Variants in TBC1D1 observed in about 807,000 individuals in gnomAD.
TBC1D1 encodes TBC1 domain family member 1.
A neutral mutation model predicts 125.6 loss-of-function variants in TBC1D1; 89 were observed. The observed-to-expected ratio is 0.71, with a 90% CI of 0.60 to 0.85. The LOEUF (loss-of-function observed/expected upper bound fraction) is 0.85, where lower values mean the gene tolerates loss of function less well. Ranked by LOEUF, TBC1D1 falls within the 40% of genes least tolerant of loss-of-function variation. The probability of loss-of-function intolerance (pLI) is 0.00; values close to 1 mark genes in which losing one functional copy is unlikely to be tolerated. For missense variants in TBC1D1, 1,377 were observed against 1,469.2 expected (o/e 0.94, Z 1.03); for synonymous variants, 565 against 564.1 (o/e 1.00, Z -0.02).
chr4:38,056,669 G>A (rs180730172), intron 12 of TBC1D1, among the ~76,000 whole-genome samples: 1 of 152,094 alleles, frequency 6.6e-6, no homozygotes, highest in Non-Finnish European at 1.5e-5. Context: ...TTAGCTGAGC[G>A]TGGTGTTGTG....
chr4:38,120,317 G>A (rs1763647456), intron 17 of TBC1D1, among the ~76,000 whole-genome samples: 1 of 152,176 alleles, frequency 6.6e-6, no homozygotes, highest in Admixed American at 6.5e-5. Context: ...ATGTCACTTT[G>A]CAAGAACTGC....
chr4:38,115,980 A>G, intron 16 of TBC1D1, 26 bp downstream of exon 18: 6 of 1,605,912 alleles, frequency 3.7e-6, no homozygotes, highest in Non-Finnish European at 5.1e-6. Context: ...TATGTCTTTA[A>G]TACAACAAAA....
chr4:38,014,266 T>G lies in TBC1D1; in HGVS notation c.418-243T>G, dbSNP rs1212819140. ...GCATGTAAATCCTCCAGCGCAGCCC[T>G]TGGCAGGTAAGAGGTGCTTCATAAG... On this transcript the variant is annotated intron_variant, in intron 2 of 19. Coordinates refer to ENST00000261439, the MANE Select transcript of TBC1D1 (RefSeq NM_015173.4). The surrounding 1 kb of genome is among the most constrained non-coding windows in gnomAD (Gnocchi z 5.1). 6.6e-6 allele frequency among the ~76,000 whole-genome samples: 1 copy of G among 152,192 alleles called. No individual in the cohort carries two copies. Among genetic ancestry groups the G allele is most frequent in the Non-Finnish European group, 1.5e-5 (1 of 68,034 alleles).
At chr4:38,018,933 G>A (rs1743409060) in intron 4 of TBC1D1, among the ~76,000 whole-genome samples, 1 of 151,886 alleles carries the variant, frequency 6.6e-6, no homozygotes, top group Non-Finnish European at 1.5e-5. Context: ...CTTTTTATTA[G>A]ATCTATTTCT....
At chr4:38,119,029 T>C (rs1242184947) in intron 17 of TBC1D1, among the ~76,000 whole-genome samples, 1 of 152,168 alleles carries the variant, frequency 6.6e-6, no homozygotes, top group African/African-American at 2.4e-5. Context: ...AAGTGATATT[T>C]TTGACAATTC....
chr4:38,079,648 AC>A (rs1178810488), intron 12 of TBC1D1, among the ~76,000 whole-genome samples: 5 of 151,846 alleles, frequency 3.3e-5, no homozygotes, highest in African/African-American at 1.2e-4. Flanking sequence ...AATCACTTGA[AC>A]CCTGGAAGGC....
rs1277260098 is a variant in TBC1D1 at position 38,137,865 on chromosome 4, T to A, written c.*530T>A. 1 of 152,846 alleles carries A rather than the reference T, an allele frequency of 6.5e-6. No individual in the cohort carries two copies. Among genetic ancestry groups the A allele is most frequent in the East Asian group, 1.9e-4 (1 of 5,188 alleles). 9.5% of individuals were successfully genotyped at this position (152,846 alleles called of 1,614,324 possible). Reference sequence around the variant, plus strand: ...AAGATCAGTGATCTTGGGTCATTGATCCCTGGCTCAGAGGATAGCGGTTTC... The same window carrying A: ...AAGATCAGTGATCTTGGGTCATTGAACCCTGGCTCAGAGGATAGCGGTTTC... On this transcript the variant is annotated 3_prime_UTR_variant, in exon 20 of 20. Coordinates refer to ENST00000261439, the MANE Select transcript of TBC1D1 (RefSeq NM_015173.4).
intron 1 of TBC1D1, among the ~76,000 whole-genome samples, chr4:37,894,022 T>C (rs1197303410): frequency 3.3e-5 from 5 of 150,628 alleles, no homozygotes; most frequent in Non-Finnish European, 7.4e-5. Flanking sequence ...GGAGTCTTGC[T>C]GTGTCACCCA....
intron 2 of TBC1D1, among the ~76,000 whole-genome samples, chr4:37,984,820 T>G (rs1439521670): frequency 1.3e-5 from 2 of 149,350 alleles, no homozygotes; most frequent in Admixed American, 6.7e-5. Flanking sequence ...TTAGCCTGGG[T>G]GACAGAGTGA....
rs553319668 is a variant in TBC1D1, at chr4:38,119,692, T to TA, written c.2962+1501dup. ...AAGAAAATTATTAATCTACCTTCCTTACATTTTCTCCACATTTTAGCTATG... is the reference window on the plus strand; with the variant it reads ...AAGAAAATTATTAATCTACCTTCCTTAACATTTTCTCCACATTTTAGCTATG... On this transcript the variant is annotated intron_variant, in intron 17 of 19. Coordinates refer to ENST00000261439, the MANE Select transcript of TBC1D1 (RefSeq NM_015173.4). Among the ~76,000 whole-genome samples, 129 of 152,344 alleles carry TA rather than the reference T, an allele frequency of 8.5e-4. No individual in the cohort carries two copies. The East Asian group carries it at 0.02, about 24-fold the overall frequency.
chr4:37,919,992 A>T (rs1720593985), intron 2 of TBC1D1, among the ~76,000 whole-genome samples: 1 of 152,234 alleles, frequency 6.6e-6, no homozygotes, highest in African/African-American at 2.4e-5. Context: ...GGGAGCCTGT[A>T]GTCCCAGCTA....
At position 38,095,797 on chromosome 4, in the gene TBC1D1, T is replaced by C. The variant is rs1024165546; in HGVS notation, c.2237-132T>C. The C allele has an allele frequency of 9.1e-6, 8 of 883,136 alleles. No individual in the cohort carries two copies. In the Admixed American group the frequency reaches 1.8e-4, roughly 20 times the overall value. The allele number at this position is 883,136 out of a possible 1,614,324, so 54.7% of individuals were successfully genotyped here. A position where few individuals can be genotyped will look rare whatever the true frequency, so the allele number is the denominator to read the frequency against. ...ATGGGTAGAGGCATGGACAGTGACT[T>C]ATATTTAGACGCGTTAAGCCAGTTG... On this transcript the variant is annotated intron_variant, in intron 13 of 19. Transcript: ENST00000261439.
At chr4:37,978,781 C>T (rs190526765) in intron 2 of TBC1D1, among the ~76,000 whole-genome samples, 5 of 152,274 alleles carry the variant, frequency 3.3e-5, no homozygotes, top group South Asian at 4.1e-4. Flanking sequence ...ACTTTTAGGA[C>T]GATTGTTAGC....
intron 15 of TBC1D1, among the ~76,000 whole-genome samples, chr4:38,115,297 T>A (rs911910149): frequency 6.6e-6 from 1 of 152,122 alleles, no homozygotes; most frequent in Non-Finnish European, 1.5e-5. Flanking sequence ...CGATGGGGTT[T>A]CGCCATGTTG....
chr4:38,006,964 TCTC>T, intron 2 of TBC1D1: 1 of 430,012 alleles, frequency 2.3e-6, no homozygotes, highest in Admixed American at 2.6e-5. Flanking sequence ...CAGTCATAAG[TCTC>T]CTTCTTCTTG....
At chr4:38,038,667 G>C (rs965174833) in intron 8 of TBC1D1, among the ~76,000 whole-genome samples, 11 of 152,174 alleles carry the variant, frequency 7.2e-5, no homozygotes, top group Non-Finnish European at 1.5e-4. Context: ...TTTTCATCCT[G>C]CCGGGCGCAG....
At chr4:37,953,257 A>G (rs1213181499) in intron 2 of TBC1D1, among the ~76,000 whole-genome samples, 1 of 152,238 alleles carries the variant, frequency 6.6e-6, no homozygotes, top group African/African-American at 2.4e-5. Context: ...ATAAGAGAGA[A>G]ATGGTGTTTT....
At chr4:38,066,120 G>T (rs1275402761) in intron 12 of TBC1D1, among the ~76,000 whole-genome samples, 1 of 152,158 alleles carries the variant, frequency 6.6e-6, no homozygotes, top group African/African-American at 2.4e-5. Flanking sequence ...ATTATCAAGA[G>T]TTTTGATAGG....
chr4:38,023,479 C>T (rs930730780), intron 6 of TBC1D1, among the ~76,000 whole-genome samples: 1 of 152,232 alleles, frequency 6.6e-6, no homozygotes, highest in Non-Finnish European at 1.5e-5. Context: ...AACTGAAGCT[C>T]ATTAAATGCC....
Sources: gnomAD v4.1 joint callset for allele counts (sites outside exome capture counted in the v4.1 genomes callset) on GRCh38, gnomAD v4.1.1 for gene constraint, Gnocchi (gnomAD v3.1) non-coding constraint, MANE v1.5 for transcripts, NCBI Gene and HGNC (gene_info 2026-07-23, HGNC 2026-07-21) for gene names.